The following SERINC2 variants were observed in gnomAD, a reference collection of about 807,000 sequenced individuals.
SERINC2 encodes the protein serine incorporator 2.
In SERINC2, 56 loss-of-function variants were observed where a neutral mutation model predicts 54.2. The ratio of observed to expected loss-of-function variants is 1.03; its 90% confidence interval spans 0.83 to 1.29. The LOEUF is 1.29. SERINC2 is among the 50% of genes most tolerant of loss of function. The pLI is 0.00. For synonymous variants in SERINC2, 272 were observed against 253.1 expected (o/e 1.07, Z -0.71); for missense variants, 614 against 607.4 (o/e 1.01, Z -0.12).
In SERINC2 at chr1:31,413,617, G is replaced by T. The variant is rs1172635786; in HGVS notation, c.39+313G>T. Among the ~76,000 whole-genome samples the T allele has an allele frequency of 6.6e-6, 1 of 152,066 alleles. No homozygotes were observed. Among genetic ancestry groups the T allele is most frequent in the Non-Finnish European group, 1.5e-5 (1 of 67,990 alleles). ...CTGGAGAGACTAAGCCTGGAGCCCGGGGTCGGGGCAGCTCTGTGGGCCCTC... is the reference window on the plus strand; with the variant it reads ...CTGGAGAGACTAAGCCTGGAGCCCGTGGTCGGGGCAGCTCTGTGGGCCCTC... On this transcript the variant is annotated intron_variant, in intron 1 of 9. Transcript: ENST00000373709. The surrounding 1 kb of genome is among the most constrained non-coding windows in gnomAD (Gnocchi z 5.0).
upstream of SERINC2, among the ~76,000 whole-genome samples, chr1:31,411,892 T>C (rs1640654940): frequency 1.3e-5 from 2 of 150,926 alleles, no homozygotes; most frequent in Non-Finnish European, 2.9e-5. Context: ...TCACAGCTAC[T>C]TGGGAGGCTG....
At chr1:31,432,583 A>G (rs1376538662) in intron 8 of SERINC2, among the ~76,000 whole-genome samples, 3 of 152,150 alleles carry the variant, frequency 2.0e-5, no homozygotes, top group Non-Finnish European at 4.4e-5. Context: ...AGTATTAGGT[A>G]CTCGATACGT....
intron 9 of SERINC2, among the ~76,000 whole-genome samples, chr1:31,433,694 G>T (rs1553135227): frequency 6.6e-6 from 1 of 152,136 alleles, no homozygotes; most frequent in Non-Finnish European, 1.5e-5. Flanking sequence ...CAGTAATAAG[G>T]TCAGGGGCCA....
chr1:31,410,144 G>A (rs2148507283), upstream of SERINC2: 2 of 1,425,626 alleles, frequency 1.4e-6, no homozygotes, highest in African/African-American at 2.9e-5. Context: ...CAACCCTCCA[G>A]TGAGGCTCAG....
rs1354407837 is a variant in SERINC2, at chr1:31,434,322, C to G, written c.*123C>G. On this transcript the variant is annotated 3_prime_UTR_variant, in exon 10 of 10. Coordinates refer to ENST00000373709, the MANE Select transcript of SERINC2 (RefSeq NM_178865.5). ...CTGAGCCCCCACCCCTGCCCCAGCT[C>G]CAGGACCTGCCCCTGAGCCGGGCCT... 1 of 1,011,094 alleles carries G rather than the reference C, an allele frequency of 9.9e-7. No homozygotes were observed. The highest frequency in any genetic ancestry group is 1.6e-5 in the African/African-American group (1 of 62,680). 62.6% of individuals were successfully genotyped at this position (1,011,094 alleles called of 1,614,324 possible).
chr1:31,410,249 G>C (rs782249689), upstream of SERINC2: 4 of 1,477,074 alleles, frequency 2.7e-6, no homozygotes, highest in Non-Finnish European at 3.6e-6. Flanking sequence ...CCATGCAGGA[G>C]GTTCAAATCT....
At chr1:31,412,582 T>C (rs1640669541), upstream of SERINC2, among the ~76,000 whole-genome samples, 1 of 152,042 alleles carries the variant, frequency 6.6e-6, no homozygotes, top group Non-Finnish European at 1.5e-5. Context: ...AGCAGGAGGA[T>C]CACTTGAGCC....
At position 31,413,299 on chromosome 1, in the gene SERINC2, A is replaced by G. The variant is rs1553131730; in HGVS notation, c.34A>G (p.Ser12Gly). The change falls in exon 1 of 10, where the codon AGC becomes GGC. Residue 12 changes from serine (S) to glycine (G), a missense_variant. Physicochemically the swap from Ser to Gly is moderately conservative, Grantham distance 56 (BLOSUM62 0). Coordinates refer to ENST00000373709, the MANE Select transcript of SERINC2 (RefSeq NM_178865.5). This position sits in a 1 kb window ranked among gnomAD's most constrained non-coding sequence, Gnocchi z 5.0. The part of the protein sequence containing the change: ...GACLGACSLL[S>G]CASCLCGSAP... ...CTGCCTGGGAGCCTGCTCCCTGCTC[A>G]GCTGCGTGAGTCCCGACCCCGGCGC... 2 of 1,269,750 alleles carry G rather than the reference A, an allele frequency of 1.6e-6. No individual in the cohort carries two copies. Among genetic ancestry groups the G allele is most frequent in the Non-Finnish European group, 2.0e-6 (2 of 1,009,798 alleles). The allele number at this position is 1,269,750 out of a possible 1,614,324, so 78.7% of individuals were successfully genotyped here.
chr1:31,429,200 A>G, intron 7 of SERINC2, 132 bp downstream of exon 7: 1 of 1,015,810 alleles, frequency 9.8e-7, no homozygotes, highest in South Asian at 1.4e-5. Flanking sequence ...CAGTCCTCCC[A>G]TGAGATGGGA....
intron 1 of SERINC2, among the ~76,000 whole-genome samples, chr1:31,414,931 T>C (rs1435139128): frequency 1.3e-5 from 2 of 152,170 alleles, no homozygotes; most frequent in African/African-American, 4.8e-5. Flanking sequence ...TCCTGGCATA[T>C]CGTGAGTGCT....
At chr1:31,414,698 G>T in intron 1 of SERINC2, 2 of 985,450 alleles carry the variant, frequency 2.0e-6, no homozygotes, top group Non-Finnish European at 2.4e-6. Flanking sequence ...TTTGGGCCAG[G>T]TCTCTGCCAA....
At chr1:31,421,673 T>G (rs1640904658) in intron 1 of SERINC2, among the ~76,000 whole-genome samples, 1 of 152,228 alleles carries the variant, frequency 6.6e-6, no homozygotes, top group Admixed American at 6.5e-5. Context: ...AAGGGGCCCC[T>G]GCCAGCCTGC....
Position 31,434,177 on chromosome 1 carries a change from T to C in SERINC2, c.1346T>C (p.Leu449Pro), listed in dbSNP as rs971612300. 1.9e-6 allele frequency: 3 copies of C among 1,613,420 alleles called. No individual in the cohort carries two copies. The highest frequency in any genetic ancestry group is 2.5e-6 in the Non-Finnish European group (3 of 1,179,926). ...TGGACCCTGGTAGCCCCACTCCTCCTGCGCAACCGCGACTTCAGCTGAGGC... is the reference window on the plus strand; with the variant it reads ...TGGACCCTGGTAGCCCCACTCCTCCCGCGCAACCGCGACTTCAGCTGAGGC... ...YLWTLVAPLL[L>P]RNRDFS is the part of the protein sequence containing the mutation. The change falls in exon 10 of 10, where the codon CTG becomes CCG. Residue 449 changes from leucine (L) to proline (P), a missense_variant. Physicochemically the swap from Leu to Pro is moderately conservative, Grantham distance 98. Coordinates refer to ENST00000373709, the MANE Select transcript of SERINC2 (RefSeq NM_178865.5).
chr1:31,411,417 G>A (rs782027974), upstream of SERINC2, among the ~76,000 whole-genome samples: 3 of 152,076 alleles, frequency 2.0e-5, no homozygotes, highest in Admixed American at 1.3e-4. Context: ...TTTGTTTCTC[G>A]GTTTCCTCAT....
At chr1:31,429,350 T>G in intron 7 of SERINC2, 47 bp from the exon 8 acceptor site, 1 of 1,568,402 alleles carries the variant, frequency 6.4e-7, no homozygotes, top group Non-Finnish European at 8.7e-7. Context: ...CTTGGCTACC[T>G]AGGCCTGGCC....
At chr1:31,426,522 C>T (rs551704850) in intron 5 of SERINC2, 132 bp from the exon 6 acceptor site, 72 of 668,838 alleles carry the variant, frequency 1.1e-4, no homozygotes, top group South Asian at 4.2e-4. Context: ...AAGGCAGTGA[C>T]GTCATTCTTC....
At chr1:31,429,932 CACTGTA>C (rs1641151565) in intron 8 of SERINC2, among the ~76,000 whole-genome samples, 1 of 152,032 alleles carries the variant, frequency 6.6e-6, no homozygotes, top group African/African-American at 2.4e-5. Flanking sequence ...TGACAACCTC[CACTGTA>C]GTGGATGTGG....
At chr1:31,417,650 A>T (rs1640811483) in intron 1 of SERINC2, among the ~76,000 whole-genome samples, 1 of 152,088 alleles carries the variant, frequency 6.6e-6, no homozygotes, top group Admixed American at 6.5e-5. Flanking sequence ...GAACTTTTTC[A>T]TCTTCCCAGA....
chr1:31,432,152 TGGAC>T lies in SERINC2; in HGVS notation c.1014-814_1014-811del, dbSNP rs1557501583. ...GATAGGGTGGACAGGGTGGACAGGG[TGGAC>T]AGGGTGGATAGGGTGGATAGGGTGG... On this transcript the variant is annotated intron_variant, in intron 8 of 9. Transcript: ENST00000373709. 7.4e-4 allele frequency among the ~76,000 whole-genome samples: 105 copies of T among 141,580 alleles called. 16 individuals carry two copies. Among genetic ancestry groups the T allele is most frequent in the Non-Finnish European group, 1.1e-3 (70 of 65,146 alleles). 92.9% of individuals were successfully genotyped at this position (141,580 alleles called of 152,430 possible). A position where few individuals can be genotyped will look rare whatever the true frequency, so the allele number is the denominator to read the frequency against.
Sources: gnomAD v4.1 joint callset for allele counts (sites outside exome capture counted in the v4.1 genomes callset) on GRCh38, gnomAD v4.1.1 for gene constraint, Gnocchi (gnomAD v3.1) non-coding constraint, MANE v1.5 for transcripts, NCBI Gene and HGNC (gene_info 2026-07-23, HGNC 2026-07-21) for gene names.